STAC: variants seen among roughly 807,000 people sequenced by gnomAD.
STAC encodes the protein SH3 and cysteine rich domain.
A neutral mutation model predicts 48.8 loss-of-function variants in STAC; 43 were observed. The ratio of observed to expected loss-of-function variants is 0.88; its 90% confidence interval spans 0.69 to 1.14. The LOEUF is 1.14. Ranked by LOEUF, STAC falls within the 50% of genes most tolerant of loss-of-function variation. The pLI, the probability that STAC is intolerant of heterozygous loss-of-function variation, is 0.00. For synonymous variants in STAC, 193 were observed against 179.5 expected (o/e 1.07, Z -0.60); for missense variants, 497 against 504.0 (o/e 0.99, Z 0.13).
intron 2 of STAC, among the ~76,000 whole-genome samples, chr3:36,449,300 A>G (rs6788685): frequency 0.87 from 132,558 of 152,016 alleles, 58,043 homozygotes; most frequent in African/African-American, 0.95. Context: ...AGGCAGTGGG[A>G]CGAATGGATT....
intron 1 of STAC, among the ~76,000 whole-genome samples, chr3:36,431,600 C>T (rs1012710093): frequency 2.0e-5 from 3 of 152,226 alleles, no homozygotes; most frequent in Admixed American, 6.5e-5. Flanking sequence ...CTCACTTCTT[C>T]ATTCTCCCTG....
At chr3:36,412,520 C>A (rs537621409) in intron 1 of STAC, among the ~76,000 whole-genome samples, 1 of 151,434 alleles carries the variant, frequency 6.6e-6, no homozygotes, top group African/African-American at 2.4e-5. Context: ...GAAAGCCTTT[C>A]GGGGGAAAAA....
At chr3:36,505,694 C>A in intron 7 of STAC, 52 bp from the exon 8 acceptor site, 1 of 1,253,232 alleles carries the variant, frequency 8.0e-7, no homozygotes, top group Non-Finnish European at 1.1e-6. Flanking sequence ...TCTTTCCTCT[C>A]TCAATTTATT....
At chr3:36,438,331 G>A (rs549920743) in intron 1 of STAC, among the ~76,000 whole-genome samples, 146 of 152,280 alleles carry the variant, frequency 9.6e-4, no homozygotes, top group African/African-American at 3.4e-3. Context: ...ACATGGTAAG[G>A]TTCTGAAGAA....
intron 6 of STAC, among the ~76,000 whole-genome samples, chr3:36,493,485 C>CAT (rs71085127): frequency 0.23 from 34,258 of 150,338 alleles, 3,939 homozygotes; most frequent in East Asian, 0.33. Flanking sequence ...AGTATATATA[C>CAT]ATATATATAT....
chr3:36,434,740 G>A (rs1483423684), intron 1 of STAC, among the ~76,000 whole-genome samples: 1 of 152,156 alleles, frequency 6.6e-6, no homozygotes, highest in Non-Finnish European at 1.5e-5. Flanking sequence ...TTGATGTGCC[G>A]CTGTGGAACA....
In STAC at chr3:36,483,131, GC is replaced by G. The variant is rs1697702283; in HGVS notation, c.489+40del. ...CCAGGAGTGAGGCCCACACCTCTCT[GC>G]TAGGGCACTTGCCTGCTGCAGTGAG... On this transcript the variant is annotated intron_variant, in intron 3 of 10. Coordinates refer to ENST00000273183, the MANE Select transcript of STAC (RefSeq NM_003149.3). 12 of 1,490,310 alleles carry G rather than the reference GC, an allele frequency of 8.1e-6. No homozygotes were observed. In the African/African-American group the frequency reaches 1.1e-4, roughly 14 times the overall value. The allele number at this position is 1,490,310 out of a possible 1,614,324, so 92.3% of individuals were successfully genotyped here.
At chr3:36,481,874 A>G (rs1218084321) in intron 2 of STAC, among the ~76,000 whole-genome samples, 1 of 152,206 alleles carries the variant, frequency 6.6e-6, no homozygotes, top group African/African-American at 2.4e-5. Flanking sequence ...TCAAGCTGTT[A>G]AAATAGTCTC....
intron 10 of STAC, among the ~76,000 whole-genome samples, chr3:36,531,155 T>A (rs2885141): frequency 0.71 from 108,160 of 152,058 alleles, 38,808 homozygotes; most frequent in African/African-American, 0.78. Context: ...ACTCATTTGG[T>A]TACTGATTTG....
At chr3:36,468,810 T>G (rs1420784854) in intron 2 of STAC, among the ~76,000 whole-genome samples, 6 of 150,868 alleles carry the variant, frequency 4.0e-5, no homozygotes, top group Non-Finnish European at 8.9e-5. Context: ...GATATTTTCC[T>G]GTTGGACTAG....
intron 8 of STAC, among the ~76,000 whole-genome samples, chr3:36,519,108 A>G (rs950375739): frequency 6.6e-6 from 1 of 152,222 alleles, no homozygotes; most frequent in African/African-American, 2.4e-5. Context: ...TGAGGAAAGC[A>G]TAAGGGAATA....
At chr3:36,542,560 T>A (rs1699353527) in intron 10 of STAC, among the ~76,000 whole-genome samples, 1 of 152,230 alleles carries the variant, frequency 6.6e-6, no homozygotes, top group Non-Finnish European at 1.5e-5. Flanking sequence ...ATTTTCCTCC[T>A]TCCTACACCT....
chr3:36,509,705 G>A (rs2125716335), intron 8 of STAC, among the ~76,000 whole-genome samples: 1 of 151,724 alleles, frequency 6.6e-6, no homozygotes, highest in South Asian at 2.1e-4. Context: ...AACAAGCAAT[G>A]GAGAAAGGAT....
Position 36,461,015 on chromosome 3 carries a change from A to G in STAC, c.388+17375A>G, listed in dbSNP as rs1032855410. On this transcript the variant is annotated intron_variant, in intron 2 of 10. Transcript: ENST00000273183. The stretch of plus-strand genomic sequence containing the variant: ...GAGGAAATATGAGTAAGCAAAAACA[A>G]GAACAAGAGGAATTACAATTCCACA... Among the ~76,000 whole-genome samples the G allele has an allele frequency of 2.6e-5, 4 of 152,202 alleles. No homozygotes were observed. In the East Asian group the frequency reaches 7.7e-4, roughly 29 times the overall value.
intron 10 of STAC, among the ~76,000 whole-genome samples, chr3:36,531,807 G>A (rs771351760): frequency 2.6e-5 from 4 of 152,138 alleles, no homozygotes; most frequent in Non-Finnish European, 5.9e-5. Flanking sequence ...TTCTGCCTTT[G>A]GAGAAGTGAG....
chr3:36,452,807 T>C (rs1006924141), intron 2 of STAC, among the ~76,000 whole-genome samples: 1 of 152,188 alleles, frequency 6.6e-6, no homozygotes, highest in Non-Finnish European at 1.5e-5. Flanking sequence ...GAAAGGGGAA[T>C]AGACATTACC....
chr3:36,454,737 A>G (rs967828079), intron 2 of STAC, among the ~76,000 whole-genome samples: 3 of 151,402 alleles, frequency 2.0e-5, no homozygotes, highest in African/African-American at 7.4e-5. Flanking sequence ...TATCAGTGTA[A>G]GAAAAAAAAA....
intron 2 of STAC, among the ~76,000 whole-genome samples, chr3:36,458,861 T>A (rs1696923335): frequency 6.6e-6 from 1 of 152,216 alleles, no homozygotes; most frequent in South Asian, 2.1e-4. Context: ...AGAAATTTAG[T>A]GAGTATCTAA....
At chr3:36,525,068 G>GT (rs1475652010) in intron 8 of STAC, among the ~76,000 whole-genome samples, 15 of 152,022 alleles carry the variant, frequency 9.9e-5, no homozygotes, top group East Asian at 7.7e-4. Flanking sequence ...TATTTATTAA[G>GT]TTTTTTTATC....
Sources: allele counts gnomAD v4.1 joint callset (sites outside exome capture counted in the v4.1 genomes callset), GRCh38; gene constraint gnomAD v4.1.1; transcripts MANE v1.5; gene names NCBI Gene and HGNC (gene_info 2026-07-23, HGNC 2026-07-21).